CACNB2: variants seen among roughly 807,000 people sequenced by gnomAD.
CACNB2 encodes voltage-dependent L-type calcium channel subunit beta-2.
A neutral mutation model predicts 73.3 loss-of-function variants in CACNB2; 42 were observed. The observed-to-expected ratio is 0.57, with a 90% CI of 0.45 to 0.74. The LOEUF is 0.74. CACNB2 is among the 30% of genes least tolerant of loss of function. The pLI is 0.00. For missense variants in CACNB2, 940 were observed against 853.0 expected, an observed-to-expected ratio of 1.10 and a Z score of -1.27; for synonymous variants, 348 against 310.3, an observed-to-expected ratio of 1.12 and a Z score of -1.28.
At chr10:18,174,757 TACAG>T (rs1440428735) in intron 2 of CACNB2, among the ~76,000 whole-genome samples, 4 of 152,118 alleles carry the variant, frequency 2.6e-5, no homozygotes, top group African/African-American at 9.7e-5. Flanking sequence ...ATTCAAGTAT[TACAG>T]ACAAGTATGT....
intron 3 of CACNB2, among the ~76,000 whole-genome samples, chr10:18,419,451 C>T (rs1052682227): frequency 2.6e-5 from 4 of 152,166 alleles, no homozygotes; most frequent in Non-Finnish European, 4.4e-5. Context: ...GAAGGTGACA[C>T]GGAGCCCTAG....
chr10:18,402,097 T>G (rs2044031656), intron 3 of CACNB2, 54 bp downstream of exon 3: 34 of 1,588,974 alleles, frequency 2.1e-5, no homozygotes, highest in Admixed American at 1.0e-4. Context: ...GTGCCCCTGA[T>G]AGACCACCTG....
At chr10:18,205,607 T>C (rs1301672772) in intron 2 of CACNB2, among the ~76,000 whole-genome samples, 2 of 152,336 alleles carry the variant, frequency 1.3e-5, no homozygotes, top group Admixed American at 6.5e-5. Context: ...CAAAATTCTA[T>C]GCAGCTTAAA....
chr10:18,438,256 C>G (rs1183895048), intron 3 of CACNB2, among the ~76,000 whole-genome samples: 1 of 145,718 alleles, frequency 6.9e-6, no homozygotes, highest in African/African-American at 2.6e-5. Context: ...GTCTCCATCT[C>G]CTGACCTCGT....
rs12220312 is a variant in CACNB2, at chr10:18,223,181, A to G, written c.213+72206A>G. Among the ~76,000 whole-genome samples, 719 of 152,356 alleles carry G rather than the reference A, an allele frequency of 4.7e-3. 10 individuals carry two copies. In the East Asian group the frequency reaches 0.06, roughly 13 times the overall value. On this transcript the variant is annotated intron_variant, in intron 2 of 13. Transcript: ENST00000324631. ...ATTTTGCTTCAGAAAGATTTGTTTG[A>G]TTTTGATGCCTTTTGCTTAATCCCT...
chr10:18,363,065 C>T (rs1440873695), intron 2 of CACNB2, among the ~76,000 whole-genome samples: 1 of 152,152 alleles, frequency 6.6e-6, no homozygotes, highest in Non-Finnish European at 1.5e-5. Flanking sequence ...CCTGTCTCTC[C>T]TCTCTGTCAT....
At chr10:18,142,576 C>T (rs1160311545) in intron 1 of CACNB2, among the ~76,000 whole-genome samples, 1 of 152,076 alleles carries the variant, frequency 6.6e-6, no homozygotes, top group African/African-American at 2.4e-5. Context: ...CCCTCATTTG[C>T]CTTTGATCTT....
rs1023115932 is a variant in CACNB2, at chr10:18,491,518, G to T, written c.334-6837G>T. The stretch of plus-strand genomic sequence containing the variant: ...CTGGAGGATTATTTGAGCCTAGGAG[G>T]TTGAGGCTACAGTGAGCCATGATTG... On this transcript the variant is annotated intron_variant, in intron 3 of 13. Transcript: ENST00000324631. 3.3e-5 allele frequency among the ~76,000 whole-genome samples: 5 copies of T among 152,282 alleles called. No individual in the cohort carries two copies. The South Asian group carries it at 6.2e-4, about 19-fold the overall frequency.
At chr10:18,326,751 G>C (rs1393283022) in intron 2 of CACNB2, among the ~76,000 whole-genome samples, 1 of 152,136 alleles carries the variant, frequency 6.6e-6, no homozygotes, top group African/African-American at 2.4e-5. Context: ...TTTTGAGACA[G>C]GGTCTCACTC....
chr10:18,210,177 G>A (rs1455537132), intron 2 of CACNB2, among the ~76,000 whole-genome samples: 2 of 152,218 alleles, frequency 1.3e-5, no homozygotes, highest in African/African-American at 4.8e-5. Context: ...TACCTGCCAG[G>A]TGAGTAATGA....
chr10:18,179,964 T>C (rs2033791637), intron 2 of CACNB2, among the ~76,000 whole-genome samples: 1 of 152,194 alleles, frequency 6.6e-6, no homozygotes, highest in Admixed American at 6.5e-5. Context: ...GGACGTGTCC[T>C]GAAGATTCCA....
At chr10:18,522,877 CAAAAAAAAAAAAAAAAA>C (rs10528720) in intron 9 of CACNB2, among the ~76,000 whole-genome samples, 9 of 77,826 alleles carry the variant, frequency 1.2e-4, no homozygotes, top group East Asian at 3.8e-4. Flanking sequence ...GACTCTGTCT[CAAAAAAAAAAAAAAAAA>C]AAAAAAAAAA....
At chr10:18,394,767 T>C (rs184114359) in intron 2 of CACNB2, among the ~76,000 whole-genome samples, 6 of 152,352 alleles carry the variant, frequency 3.9e-5, no homozygotes, top group African/African-American at 1.4e-4. Context: ...TTGCAATTAT[T>C]ATCATTAATA....
At chr10:18,529,995 C>T in intron 10 of CACNB2, among the ~76,000 whole-genome samples, 1 of 152,162 alleles carries the variant, frequency 6.6e-6, no homozygotes, top group East Asian at 1.9e-4. Flanking sequence ...TCTTACATGG[C>T]AGCAGGCAAG....
intron 2 of CACNB2, among the ~76,000 whole-genome samples, chr10:18,215,277 C>G (rs1336936782): frequency 1.3e-5 from 2 of 152,102 alleles, no homozygotes; most frequent in African/African-American, 2.4e-5. Context: ...GAAAGTACGT[C>G]ACATTCATCT....
At chr10:18,314,110 A>C (rs947493900) in intron 2 of CACNB2, among the ~76,000 whole-genome samples, 8 of 104,934 alleles carry the variant, frequency 7.6e-5, no homozygotes, top group African/African-American at 2.5e-4. Context: ...CAATGATTGG[A>C]CACACGTATA....
In CACNB2 at chr10:18,331,052, CT is replaced by C. The variant is rs1371690351; in HGVS notation, c.214-70870del. Among the ~76,000 whole-genome samples the C allele has an allele frequency of 2.6e-5, 4 of 151,322 alleles. No individual in the cohort carries two copies. The Admixed American group carries it at 2.6e-4, about 10-fold the overall frequency. ...CCAGGCTGGAGTGCAATGGCGCGAT[CT>C]TGGCCCACTGCAACTTCCGCCTCCT... On this transcript the variant is annotated intron_variant, in intron 2 of 13. Transcript: ENST00000324631.
chr10:18,534,470 C>G (rs758892970), intron 11 of CACNB2, among the ~76,000 whole-genome samples: 4 of 152,170 alleles, frequency 2.6e-5, no homozygotes, highest in Non-Finnish European at 4.4e-5. Context: ...TTAGTCAAAA[C>G]TACTTCCATG....
chr10:18,403,400 T>TTG (rs1275450891), intron 3 of CACNB2, among the ~76,000 whole-genome samples: 15 of 152,342 alleles, frequency 9.8e-5, no homozygotes, highest in African/African-American at 3.4e-4. Flanking sequence ...ATATTTTGCA[T>TTG]TGTGTGTAAA....
Sources: allele counts gnomAD v4.1 joint callset (sites outside exome capture counted in the v4.1 genomes callset), GRCh38; gene constraint gnomAD v4.1.1; transcripts MANE v1.5; gene names NCBI Gene and HGNC (gene_info 2026-07-23, HGNC 2026-07-21).